FHOD3: variants seen among roughly 807,000 people sequenced by gnomAD.
The protein encoded by FHOD3 is formin homology 2 domain containing 3.
FHOD3 carries 90 observed loss-of-function variants against 173.0 expected under a neutral mutation model. The ratio of observed to expected loss-of-function variants is 0.52; its 90% confidence interval spans 0.44 to 0.62. The LOEUF (loss-of-function observed/expected upper bound fraction) is 0.62. Ranked by LOEUF, FHOD3 falls within the 20% of genes least tolerant of loss-of-function variation. The probability of loss-of-function intolerance (pLI) is 0.00; values close to 1 mark genes in which losing one functional copy is unlikely to be tolerated. For synonymous variants in FHOD3, 828 were observed against 823.0 expected (o/e 1.01, Z -0.10); for missense variants, 1,945 against 2,034.7 (o/e 0.96, Z 0.85).
intron 10 of FHOD3, among the ~76,000 whole-genome samples, chr18:36,647,232 A>G (rs891971756): frequency 6.6e-6 from 1 of 152,136 alleles, no homozygotes; most frequent in African/African-American, 2.4e-5. Flanking sequence ...CAAGAGCAAA[A>G]CTTTGTCTTC....
At chr18:36,659,941 TAAG>T (rs1355112961) in intron 14 of FHOD3, among the ~76,000 whole-genome samples, 1 of 152,016 alleles carries the variant, frequency 6.6e-6, no homozygotes, top group East Asian at 1.9e-4. Flanking sequence ...CCCCTGGGGA[TAAG>T]GAGGGTGGGC....
chr18:36,721,887 A>C (rs2040812631), intron 19 of FHOD3, among the ~76,000 whole-genome samples: 1 of 152,196 alleles, frequency 6.6e-6, no homozygotes, highest in Admixed American at 6.5e-5. Context: ...CACAAAACAA[A>C]GAGAATTGGT....
chr18:36,704,524 T>C (rs918038764), intron 17 of FHOD3, among the ~76,000 whole-genome samples: 6 of 152,174 alleles, frequency 3.9e-5, no homozygotes, highest in Non-Finnish European at 8.8e-5. Context: ...AGGGTGGTTA[T>C]GGACAAGCAT....
intron 3 of FHOD3, among the ~76,000 whole-genome samples, chr18:36,375,691 C>A (rs1013162423): frequency 3.3e-5 from 5 of 152,144 alleles, no homozygotes; most frequent in Non-Finnish European, 7.3e-5. Flanking sequence ...AGCCCAGCAA[C>A]CCTCACGAAA....
chr18:36,379,495 T>C (rs1276833277), intron 3 of FHOD3, among the ~76,000 whole-genome samples: 2 of 152,228 alleles, frequency 1.3e-5, no homozygotes, highest in Non-Finnish European at 1.5e-5. Context: ...TACTCTTCAA[T>C]GTCCATGTAA....
chr18:36,620,981 A>G (rs2033656116), intron 9 of FHOD3, among the ~76,000 whole-genome samples: 1 of 152,180 alleles, frequency 6.6e-6, no homozygotes, highest in Non-Finnish European at 1.5e-5. Context: ...TTCCTAATAG[A>G]GAAGGACATC....
At chr18:36,695,701 G>C (rs1205254769) in intron 17 of FHOD3, among the ~76,000 whole-genome samples, 1 of 152,206 alleles carries the variant, frequency 6.6e-6, no homozygotes, top group African/African-American at 2.4e-5. Context: ...AAAGATGGTG[G>C]TCTCAGAAAG....
At chr18:36,492,990 C>T (rs1238514705) in intron 3 of FHOD3, among the ~76,000 whole-genome samples, 1 of 152,178 alleles carries the variant, frequency 6.6e-6, no homozygotes, top group Non-Finnish European at 1.5e-5. Context: ...TTCAGTTACT[C>T]TTCTGCATTT....
In FHOD3 at chr18:36,779,486, G is replaced by A. The variant is rs1246958126; in HGVS notation, c.4825G>A (p.Ala1609Thr). The change falls in exon 29 of 29, where the codon GCC becomes ACC. Residue 1609 changes from alanine to threonine, a missense_variant. Physicochemically the swap from Ala to Thr is moderately conservative, Grantham distance 58. Around this residue, in one of 5 missense-constraint regions of FHOD3, gnomAD observed 354 missense variants for 359.9 expected, o/e 0.98. Transcript: ENST00000590592. ...GAAGAGCGGCCTGACCCCAGAAGAAGCCAGAGCCCTGGGCTTGGTTGGCAC... is the reference window on the plus strand; with the variant it reads ...GAAGAGCGGCCTGACCCCAGAAGAAACCAGAGCCCTGGGCTTGGTTGGCAC... ...TLKSGLTPEE[A>T]RALGLVGTSE... The A allele has an allele frequency of 8.1e-6, 13 of 1,614,090 alleles. No individual in the cohort carries two copies. The African/African-American group carries it at 1.5e-4, about 18-fold the overall frequency.
intron 10 of FHOD3, among the ~76,000 whole-genome samples, chr18:36,628,869 C>T (rs1599946649): frequency 6.6e-6 from 1 of 152,190 alleles, no homozygotes; most frequent in Non-Finnish European, 1.5e-5. Context: ...CTGGTTCTTC[C>T]TCTGTTGACA....
At chr18:36,687,049 ATAATTTATTGG>A (rs2038667291) in intron 15 of FHOD3, 68 bp from the exon 16 acceptor site, 2 of 1,080,310 alleles carry the variant, frequency 1.9e-6, no homozygotes, top group East Asian at 5.1e-5. Context: ...TATACTGTTT[ATAATTTATTGG>A]TAATTTTCTG....
intron 10 of FHOD3, among the ~76,000 whole-genome samples, chr18:36,629,858 G>A (rs956471078): frequency 6.6e-6 from 1 of 152,078 alleles, no homozygotes; most frequent in Non-Finnish European, 1.5e-5. Flanking sequence ...GTTCTTGACC[G>A]GGGTGATTTT....
At chr18:36,766,348 T>G (rs1433386610) in intron 27 of FHOD3, among the ~76,000 whole-genome samples, 1 of 152,200 alleles carries the variant, frequency 6.6e-6, no homozygotes, top group Non-Finnish European at 1.5e-5. Flanking sequence ...AAAAACAAAT[T>G]TCAGTGCTTT....
chr18:36,568,853 C>G lies in FHOD3; in HGVS notation c.512-7598C>G, dbSNP rs867762076. On this transcript the variant is annotated intron_variant, in intron 5 of 28. Coordinates refer to ENST00000590592, the MANE Select transcript of FHOD3 (RefSeq NM_001281740.3). ...AATGAACTAGGAAAATCCCAACTTGCATGGGAAAAGATAGATCACCACCCC... is the reference window on the plus strand; with the variant it reads ...AATGAACTAGGAAAATCCCAACTTGGATGGGAAAAGATAGATCACCACCCC... Among the ~76,000 whole-genome samples, 7 of 152,108 alleles carry G rather than the reference C, an allele frequency of 4.6e-5. No homozygotes were observed. The South Asian group carries it at 1.4e-3, about 31-fold the overall frequency.
At chr18:36,699,462 G>A (rs1165319729) in intron 17 of FHOD3, among the ~76,000 whole-genome samples, 1 of 152,166 alleles carries the variant, frequency 6.6e-6, no homozygotes, top group African/African-American at 2.4e-5. Flanking sequence ...GCTTTCAGGT[G>A]CAGTCAGGAG....
chr18:36,489,663 C>T (rs1479711093), intron 3 of FHOD3, among the ~76,000 whole-genome samples: 1 of 151,864 alleles, frequency 6.6e-6, no homozygotes, highest in Non-Finnish European at 1.5e-5. Context: ...CAGAGTGAGA[C>T]CCTGTCTCAA....
At chr18:36,776,227 C>T (rs2043641588) in intron 28 of FHOD3, among the ~76,000 whole-genome samples, 1 of 151,560 alleles carries the variant, frequency 6.6e-6, no homozygotes, top group Non-Finnish European at 1.5e-5. Context: ...TGAGAGCCAG[C>T]TCCCTGGCTG....
At chr18:36,468,144 C>CT (rs1396358464) in intron 3 of FHOD3, among the ~76,000 whole-genome samples, 1 of 152,134 alleles carries the variant, frequency 6.6e-6, no homozygotes. Context: ...AAGCAAGGGT[C>CT]GAATGCTGAC....
At chr18:36,721,328 A>AG (rs2040776524) in intron 19 of FHOD3, among the ~76,000 whole-genome samples, 1 of 152,220 alleles carries the variant, frequency 6.6e-6, no homozygotes, top group Non-Finnish European at 1.5e-5. Context: ...GTAAGAATGC[A>AG]AGTTAGGATT....
Sources: allele counts gnomAD v4.1 joint callset (sites outside exome capture counted in the v4.1 genomes callset), GRCh38; gene constraint gnomAD v4.1.1; regional missense constraint gnomAD v4.1.1; transcripts MANE v1.5; gene names NCBI Gene and HGNC (gene_info 2026-07-23, HGNC 2026-07-21).